Variants in CAPN7 observed in about 807,000 individuals in gnomAD.
The protein encoded by CAPN7 is calpain 7.
A neutral mutation model predicts 115.2 loss-of-function variants in CAPN7; 72 were observed. The ratio of observed to expected loss-of-function variants is 0.63; its 90% CI spans 0.52 to 0.76. The LOEUF is 0.76. Among genes scored for constraint, CAPN7 ranks in the 30% least tolerant of loss-of-function variants. The pLI, the probability that CAPN7 is intolerant of heterozygous loss-of-function variation, is 0.00. For synonymous variants in CAPN7, 344 were observed against 322.3 expected, an observed-to-expected ratio of 1.07 and a Z score of -0.72; for missense variants, 905 against 971.5, an observed-to-expected ratio of 0.93 and a Z score of 0.91.
chr3:15,237,123 A>G (rs537101904), intron 12 of CAPN7, among the ~76,000 whole-genome samples: 227 of 152,286 alleles, frequency 1.5e-3, no homozygotes, highest in Non-Finnish European at 2.4e-3. Context: ...GCTTACTGTA[A>G]TTTTTTACTT....
At chr3:15,233,495 G>A (rs1575212426) in intron 10 of CAPN7, among the ~76,000 whole-genome samples, 1 of 152,170 alleles carries the variant, frequency 6.6e-6, no homozygotes, top group African/African-American at 2.4e-5. Context: ...AATTTACTCA[G>A]TGGAGTTTAG....
At chr3:15,225,995 A>T (rs1349571749) in intron 6 of CAPN7, among the ~76,000 whole-genome samples, 1 of 152,182 alleles carries the variant, frequency 6.6e-6, no homozygotes, top group Non-Finnish European at 1.5e-5. Flanking sequence ...ATTATTTTTT[A>T]AAATTGTTTC....
At chr3:15,242,882 C>T (rs186197125) in intron 16 of CAPN7, among the ~76,000 whole-genome samples, 109 of 152,300 alleles carry the variant, frequency 7.2e-4, no homozygotes, top group African/African-American at 2.5e-3. Context: ...ATGTGTATCA[C>T]TTAGTGAGAG....
intron 17 of CAPN7, chr3:15,246,478 T>C (rs1191346066): frequency 1.2e-5 from 5 of 421,524 alleles, no homozygotes; most frequent in African/African-American, 2.1e-5. Flanking sequence ...TGCCACCCAT[T>C]CCTTTTTCAG....
In CAPN7 at chr3:15,246,812, G is replaced by A. The variant is rs1695690738; in HGVS notation, c.2073+18G>A. ...CAAAACGGGTGAGAAAATTCATTTG[G>A]TTGTAATCTCAGCATTCTTTTAGAA... is the stretch of plus-strand genomic sequence containing the variant. On this transcript the variant is annotated intron_variant, in intron 18 of 20. Transcript: ENST00000253693. 6.5e-7 allele frequency: 1 copy of A among 1,548,076 alleles called. No individual in the cohort carries two copies. Among genetic ancestry groups the A allele is most frequent in the Non-Finnish European group, 8.9e-7 (1 of 1,129,406 alleles).
intron 19 of CAPN7, among the ~76,000 whole-genome samples, chr3:15,247,821 TA>T (rs1559413442): frequency 6.6e-6 from 1 of 152,122 alleles, no homozygotes; most frequent in East Asian, 1.9e-4. Context: ...GCTGCATTGA[TA>T]AGAAAAAAAT....
chr3:15,209,788 C>T (rs2044832580), intron 1 of CAPN7, among the ~76,000 whole-genome samples: 1 of 152,156 alleles, frequency 6.6e-6, no homozygotes, highest in South Asian at 2.1e-4. Flanking sequence ...CCCCTTGTTT[C>T]CTATAGACTT....
intron 6 of CAPN7, among the ~76,000 whole-genome samples, chr3:15,225,125 T>C (rs7636720): frequency 1.3e-5 from 2 of 152,200 alleles, no homozygotes; most frequent in African/African-American, 4.8e-5. Flanking sequence ...ACCCTGAGAA[T>C]GGTGCTGTTA....
Position 15,240,739 on chromosome 3 carries a change from G to A in CAPN7, c.1553-15G>A. On this transcript the variant is annotated splice_polypyrimidine_tract_variant and intron_variant, in intron 13 of 20. Transcript: ENST00000253693. ...ATTAAGATTTTTTTAGATTAACAAA[G>A]ATATTAATTTTCAGGAATATTTTGG... 6.3e-7 allele frequency: 1 copy of A among 1,585,454 alleles called. No individual in the cohort carries two copies. Among genetic ancestry groups the A allele is most frequent in the Middle Eastern group, 1.7e-4 (1 of 5,988 alleles).
At position 15,241,368 on chromosome 3, in the gene CAPN7, G is replaced by A. The variant is rs975362858; in HGVS notation, c.1653-85G>A. On this transcript the variant is annotated intron_variant, in intron 14 of 20. Transcript: ENST00000253693. ...TAAAACAAAACCAAAAACTTGGATA[G>A]CTTAATTCACTTTTTGAAATAGTGT... 2.9e-6 allele frequency: 4 copies of A among 1,397,390 alleles called. No homozygotes were observed. In the African/African-American group the frequency reaches 5.7e-5, roughly 20 times the overall value. The allele number at this position is 1,397,390 out of a possible 1,614,324, so 86.6% of individuals were successfully genotyped here.
intron 12 of CAPN7, 147 bp from the exon 13 acceptor site, chr3:15,240,326 C>G (rs1156880717): frequency 1.4e-6 from 1 of 728,142 alleles, no homozygotes; most frequent in East Asian, 2.8e-5. Flanking sequence ...CGATGTATGA[C>G]CTGGTGAAAG....
At chr3:15,207,876 G>A (rs531298233) in intron 1 of CAPN7, among the ~76,000 whole-genome samples, 1 of 152,198 alleles carries the variant, frequency 6.6e-6, no homozygotes, top group Non-Finnish European at 1.5e-5. Context: ...TATAAAAGGA[G>A]TATACTAACA....
chr3:15,239,832 C>T (rs1003399014), intron 12 of CAPN7, among the ~76,000 whole-genome samples: 1 of 152,114 alleles, frequency 6.6e-6, no homozygotes, highest in Non-Finnish European at 1.5e-5. Context: ...AGTCCATGTT[C>T]CTTTCTCTTT....
At chr3:15,248,202 A>G (rs1695785464) in intron 19 of CAPN7, among the ~76,000 whole-genome samples, 1 of 152,060 alleles carries the variant, frequency 6.6e-6, no homozygotes, top group Non-Finnish European at 1.5e-5. Context: ...AAATAAAAAT[A>G]AAAAAATAAA....
chr3:15,220,882 G>A lies in CAPN7; in HGVS notation c.539G>A (p.Gly180Asp), dbSNP rs1693940240. 1 of 1,614,140 alleles carries A rather than the reference G, an allele frequency of 6.2e-7. No homozygotes were observed. The highest frequency in any genetic ancestry group is 8.5e-7 in the Non-Finnish European group (1 of 1,179,982). ...PPPVRAHFPL[G>D]ANPFLERPQS... The stretch of plus-strand genomic sequence containing the variant: ...CCAGTGAGAGCACATTTTCCACTGG[G>A]CGCTAATCCCTTCCTTGAAAGACCT... Residue 180 changes from glycine to aspartate, a missense_variant, in exon 5 of 21, where the codon GGC becomes GAC. By Grantham distance (94) the Gly-to-Asp change is moderately conservative (BLOSUM62 -1). Coordinates refer to ENST00000253693, the MANE Select transcript of CAPN7 (RefSeq NM_014296.3).
chr3:15,229,520 C>A (rs528123518), intron 8 of CAPN7, among the ~76,000 whole-genome samples: 1 of 134,646 alleles, frequency 7.4e-6, no homozygotes, highest in Middle Eastern at 4.2e-3. Context: ...AATCATATTT[C>A]GATTTGTGAT....
rs1170067942 is a variant in CAPN7 at position 15,229,072 on chromosome 3, CT to C, written c.938+14del. ...AGTTAATTACCGGGTAAAAATGTGTCTCTCTTTACCTCTTTTTGTGTAATTG... is the reference window on the plus strand; with the variant it reads ...AGTTAATTACCGGGTAAAAATGTGTCCTCTTTACCTCTTTTTGTGTAATTG... On this transcript the variant is annotated intron_variant, in intron 8 of 20. Coordinates refer to ENST00000253693, the MANE Select transcript of CAPN7 (RefSeq NM_014296.3). The C allele has an allele frequency of 1.1e-5, 17 of 1,557,278 alleles. No homozygotes were observed. Among genetic ancestry groups the C allele is most frequent in the Non-Finnish European group, 1.5e-5 (17 of 1,129,496 alleles).
chr3:15,222,255 G>A (rs1310711630), intron 5 of CAPN7, among the ~76,000 whole-genome samples: 1 of 152,102 alleles, frequency 6.6e-6, no homozygotes, highest in Non-Finnish European at 1.5e-5. Flanking sequence ...TGCCTATGGA[G>A]TAGCCCTGTT....
chr3:15,206,726 G>A (rs947656902), intron 1 of CAPN7, 129 bp downstream of exon 1: 25 of 665,026 alleles, frequency 3.8e-5, no homozygotes, highest in Non-Finnish European at 6.0e-5. Flanking sequence ...TCCGCCTCCC[G>A]GCCCTCCTCT....
Sources: gnomAD v4.1 joint callset for allele counts (sites outside exome capture counted in the v4.1 genomes callset) on GRCh38, gnomAD v4.1.1 for gene constraint, MANE v1.5 for transcripts, NCBI Gene and HGNC (gene_info 2026-07-23, HGNC 2026-07-21) for gene names.